Variants in PDGFC observed in about 807,000 individuals in gnomAD.
The protein encoded by PDGFC is platelet-derived growth factor C.
Under a neutral mutation model 35.5 loss-of-function variants are expected in PDGFC, and 12 were observed. The ratio of observed to expected loss-of-function variants is 0.34; its 90% CI spans 0.22 to 0.55. The LOEUF is 0.55. PDGFC is among the 20% of genes least tolerant of loss of function. The pLI is 0.91. For missense variants in PDGFC, 322 were observed against 412.4 expected, an observed-to-expected ratio of 0.78 and a Z score of 1.90; for synonymous variants, 159 against 148.8, an observed-to-expected ratio of 1.07 and a Z score of -0.50.
Position 156,970,787 on chromosome 4 carries a change from G to C in PDGFC, c.117C>G (p.Asn39Lys). ...GGGGAGAATGGGGGAAAGACTCACC[G>C]TTCTGTTCCTTGTTGCTGGAAAACT... ...KFQFSSNKEQ[N>K]GVQDPQHERI... is the part of the protein sequence containing the mutation. Residue 39 changes from asparagine to lysine, a missense_variant and splice_region_variant, in exon 1 of 6, where the codon AAC becomes AAG. Coordinates refer to ENST00000502773, the MANE Select transcript of PDGFC (RefSeq NM_016205.3). 1 of 1,578,466 alleles carries C rather than the reference G, an allele frequency of 6.3e-7. No homozygotes were observed. The highest frequency in any genetic ancestry group is 8.7e-7 in the Non-Finnish European group (1 of 1,147,454).
intron 3 of PDGFC, among the ~76,000 whole-genome samples, chr4:156,785,586 C>T (rs1731100553): frequency 6.6e-6 from 1 of 151,938 alleles, no homozygotes; most frequent in African/African-American, 2.4e-5. Context: ...ACTGGGTGCA[C>T]AACAGTCTGG....
At chr4:156,793,409 C>A (rs904295879) in intron 3 of PDGFC, among the ~76,000 whole-genome samples, 1 of 151,172 alleles carries the variant, frequency 6.6e-6, no homozygotes, top group Non-Finnish European at 1.5e-5. Flanking sequence ...TTCAAACTCA[C>A]GTTGTGACAT....
intron 2 of PDGFC, chr4:156,841,324 T>C (rs1414266753): frequency 3.2e-5 from 5 of 153,974 alleles, no homozygotes; most frequent in South Asian, 4.1e-4. Context: ...CAAGATCTGA[T>C]GGTTTTATAA....
At chr4:156,864,682 T>C (rs1174782019) in intron 1 of PDGFC, among the ~76,000 whole-genome samples, 2 of 152,102 alleles carry the variant, frequency 1.3e-5, no homozygotes, top group African/African-American at 4.8e-5. Context: ...TACAATATAG[T>C]AGCACCATTA....
At chr4:156,952,915 A>G (rs188314401) in intron 1 of PDGFC, among the ~76,000 whole-genome samples, 12 of 152,056 alleles carry the variant, frequency 7.9e-5, no homozygotes, top group Non-Finnish European at 1.6e-4. Context: ...TGATACAGAA[A>G]AGTTTGTTTT....
chr4:156,843,012 C>T (rs1729241394), intron 2 of PDGFC, among the ~76,000 whole-genome samples: 1 of 152,162 alleles, frequency 6.6e-6, no homozygotes, highest in Non-Finnish European at 1.5e-5. Flanking sequence ...ACAACACACC[C>T]TCCTCTTCTT....
chr4:156,798,497 A>G (rs1731509521), intron 3 of PDGFC, among the ~76,000 whole-genome samples: 1 of 152,188 alleles, frequency 6.6e-6, no homozygotes, highest in Admixed American at 6.5e-5. Context: ...AATTCCCCTG[A>G]CTTTAACACA....
chr4:156,817,552 A>T (rs1732121150), intron 2 of PDGFC, among the ~76,000 whole-genome samples: 1 of 152,188 alleles, frequency 6.6e-6, no homozygotes, highest in East Asian at 1.9e-4. Flanking sequence ...AATGAAAAGG[A>T]CTGTCAAGGA....
chr4:156,916,040 A>C (rs1731150340), intron 1 of PDGFC, among the ~76,000 whole-genome samples: 1 of 152,080 alleles, frequency 6.6e-6, no homozygotes, highest in South Asian at 2.1e-4. Context: ...CAATGGCCAA[A>C]AGAAGCCTAC....
At chr4:156,846,930 T>A (rs528878346) in intron 2 of PDGFC, among the ~76,000 whole-genome samples, 2 of 151,852 alleles carry the variant, frequency 1.3e-5, no homozygotes, top group African/African-American at 2.4e-5. Context: ...TAAGAGCAAA[T>A]CCTTTAGTCC....
intron 1 of PDGFC, among the ~76,000 whole-genome samples, chr4:156,950,949 C>CA (rs1703352465): frequency 6.6e-6 from 1 of 151,802 alleles, no homozygotes; most frequent in African/African-American, 2.4e-5. Flanking sequence ...GAGTAACTAC[C>CA]AAGCCCTGAT....
At chr4:156,848,570 T>C (rs1286461251) in intron 2 of PDGFC, among the ~76,000 whole-genome samples, 5 of 152,028 alleles carry the variant, frequency 3.3e-5, no homozygotes, top group Non-Finnish European at 7.4e-5. Flanking sequence ...CAATATGAAC[T>C]AATTTTTAAA....
intron 1 of PDGFC, among the ~76,000 whole-genome samples, chr4:156,891,228 C>T (rs1379505441): frequency 7.6e-6 from 1 of 131,424 alleles, no homozygotes; most frequent in Non-Finnish European, 1.6e-5. Context: ...TGCAGTGAGC[C>T]GAGATCCCGC....
chr4:156,844,275 T>C (rs1442551076), intron 2 of PDGFC, among the ~76,000 whole-genome samples: 1 of 152,186 alleles, frequency 6.6e-6, no homozygotes, highest in African/African-American at 2.4e-5. Flanking sequence ...TGGCTTTAGA[T>C]ATTTTTAAGT....
chr4:156,870,016 A>G (rs1463542192), intron 1 of PDGFC, among the ~76,000 whole-genome samples: 1 of 151,802 alleles, frequency 6.6e-6, no homozygotes, highest in African/African-American at 2.4e-5. Flanking sequence ...TTTATGGTAC[A>G]TGTATTTTCC....
intron 2 of PDGFC, among the ~76,000 whole-genome samples, chr4:156,849,530 A>G (rs1388467705): frequency 1.3e-5 from 2 of 152,020 alleles, no homozygotes; most frequent in African/African-American, 4.8e-5. Context: ...AGACCACCCA[A>G]CCTTGACAAG....
chr4:156,811,040 A>T, intron 2 of PDGFC, 23 bp from the exon 3 acceptor site: 2 of 1,485,914 alleles, frequency 1.3e-6, no homozygotes, highest in South Asian at 1.3e-5. Context: ...AAAGGGAAAG[A>T]GACATCATTT....
At chr4:156,966,131 C>T (rs1240037721) in intron 1 of PDGFC, among the ~76,000 whole-genome samples, 1 of 152,076 alleles carries the variant, frequency 6.6e-6, no homozygotes, top group African/African-American at 2.4e-5. Flanking sequence ...TTAGATGTCT[C>T]CTTAGGAGAT....
At chr4:156,836,468 T>A (rs747990389) in intron 2 of PDGFC, among the ~76,000 whole-genome samples, 1 of 152,236 alleles carries the variant, frequency 6.6e-6, no homozygotes, top group South Asian at 2.1e-4. Flanking sequence ...ATAGTCTATA[T>A]ACCAACTGAA....
Sources: gnomAD v4.1 joint callset for allele counts (sites outside exome capture counted in the v4.1 genomes callset) on GRCh38, gnomAD v4.1.1 for gene constraint, MANE v1.5 for transcripts, NCBI Gene and HGNC (gene_info 2026-07-23, HGNC 2026-07-21) for gene names.